Variants in ATP6V1G1 observed in about 807,000 individuals in gnomAD.
The protein encoded by ATP6V1G1 is V-type proton ATPase subunit G 1.
In ATP6V1G1, 14 loss-of-function variants were observed where a neutral mutation model predicts 14.2. The ratio of observed to expected loss-of-function variants is 0.99; its 90% CI spans 0.65 to 1.55. ATP6V1G1 has a LOEUF of 1.55. Ranked by LOEUF, ATP6V1G1 falls within the 40% of genes most tolerant of loss-of-function variation. The pLI, the probability that ATP6V1G1 is intolerant of heterozygous loss-of-function variation, is 0.00. For missense variants in ATP6V1G1, 137 were observed against 146.4 expected, an observed-to-expected ratio of 0.94 and a Z score of 0.33; for synonymous variants, 65 against 53.3, an observed-to-expected ratio of 1.22 and a Z score of -0.96.
At chr9:114,590,014 A>G (rs1349388904) in intron 1 of ATP6V1G1, among the ~76,000 whole-genome samples, 1 of 151,658 alleles carries the variant, frequency 6.6e-6, no homozygotes, top group Admixed American at 6.6e-5. Flanking sequence ...CCTGGGCAAT[A>G]TGGAGAAACT....
chr9:114,598,373 A>AT lies in ATP6V1G1; in HGVS notation c.*635dup. On this transcript the variant is annotated 3_prime_UTR_variant, in exon 3 of 3. Transcript: ENST00000374050. ...TTTAAAAGTAAAGACTCTGTCATGCATTTTTCCCCATTCTTTTTTTTTTCC... is the reference window on the plus strand; with the variant it reads ...TTTAAAAGTAAAGACTCTGTCATGCATTTTTTCCCCATTCTTTTTTTTTTCC... The AT allele has an allele frequency of 1.3e-5, 2 of 152,022 alleles. No individual in the cohort carries two copies. Among genetic ancestry groups the AT allele is most frequent in the Middle Eastern group, 6.8e-3 (2 of 292 alleles). The allele number at this position is 152,022 out of a possible 1,614,324, so 9.4% of individuals were successfully genotyped here.
chr9:114,597,855 A>G lies in ATP6V1G1; in HGVS notation c.*112A>G. On this transcript the variant is annotated 3_prime_UTR_variant, in exon 3 of 3. Transcript: ENST00000374050. ...ATATGGCATTAAATTATTTCCATAT[A>G]TTATATAATAGGTCCTTCCACTTTT... is the stretch of plus-strand genomic sequence containing the variant. 2.0e-6 allele frequency: 2 copies of G among 998,376 alleles called. No individual in the cohort carries two copies. Among genetic ancestry groups the G allele is most frequent in the South Asian group, 4.1e-5 (1 of 24,310 alleles). The allele number at this position is 998,376 out of a possible 1,614,324, so 61.8% of individuals were successfully genotyped here. A position where few individuals can be genotyped will look rare whatever the true frequency, so the allele number is the denominator to read the frequency against.
In ATP6V1G1 at chr9:114,592,488, C is replaced by G. The variant is rs1845192465; in HGVS notation, c.83-64C>G. On this transcript the variant is annotated intron_variant, in intron 1 of 2. Transcript: ENST00000374050. ...TTGGCTTATTGTTATAATATACCATCTTGTCTCTGCTTGCTTTTCTACTTT... is the reference window on the plus strand; with the variant it reads ...TTGGCTTATTGTTATAATATACCATGTTGTCTCTGCTTGCTTTTCTACTTT... The G allele has an allele frequency of 4.9e-6, 7 of 1,433,964 alleles. No homozygotes were observed. The South Asian group carries it at 7.6e-5, about 16-fold the overall frequency. 88.8% of individuals were successfully genotyped at this position (1,433,964 alleles called of 1,614,324 possible). A position where few individuals can be genotyped will look rare whatever the true frequency, so the allele number is the denominator to read the frequency against.
chr9:114,588,076 T>C (rs757579765), intron 1 of ATP6V1G1, 156 bp downstream of exon 1: 28 of 798,476 alleles, frequency 3.5e-5, no homozygotes, highest in Non-Finnish European at 5.0e-5. Flanking sequence ...GAGCTGAGGC[T>C]CTGGAAGGCT....
In ATP6V1G1 at chr9:114,589,694, G is replaced by A. The variant is rs117306337; in HGVS notation, c.82+1774G>A. Reference sequence around the variant, plus strand: ...TGTATTTCCAGAATGACTTCTCACAGTTTGTGTTCTGATGGCTCATCAGTA... The same window carrying A: ...TGTATTTCCAGAATGACTTCTCACAATTTGTGTTCTGATGGCTCATCAGTA... On this transcript the variant is annotated intron_variant, in intron 1 of 2. Transcript: ENST00000374050. 3.2e-4 allele frequency among the ~76,000 whole-genome samples: 49 copies of A among 152,308 alleles called. 1 individual carries two copies. The highest frequency in any genetic ancestry group is 1.2e-3 in the African/African-American group (48 of 41,566).
In ATP6V1G1 at chr9:114,597,729, C is replaced by A; in HGVS notation, c.343C>A (p.Arg115Ser). The A allele has an allele frequency of 6.3e-7, 1 of 1,584,492 alleles. No homozygotes were observed. The highest frequency in any genetic ancestry group is 8.6e-7 in the Non-Finnish European group (1 of 1,169,582). ...TCGGCCAGAAATCCATGAAAACTAC[C>A]GCATAAATGGATAGAAGAGAGAAGC... Reference protein sequence around the residue: ...DIRPEIHENYRING With the variant: ...DIRPEIHENYSING The change falls in exon 3 of 3, where the codon CGC (arginine) becomes AGC (serine). Residue 115 changes from arginine (R) to serine (S), a missense_variant. Physicochemically the swap from Arg to Ser is moderately radical, Grantham distance 110 (BLOSUM62 -1). Coordinates refer to ENST00000374050, the MANE Select transcript of ATP6V1G1 (RefSeq NM_004888.4).
chr9:114,587,835 CG>C lies in ATP6V1G1; in HGVS notation c.-3del. Reference sequence around the variant, plus strand: ...CTTGCCTTGCTCTCAGAATCGCTGCCGCCATGGCTAGTCAGTCTCAGGGGAT... The same window carrying C: ...CTTGCCTTGCTCTCAGAATCGCTGCCCCATGGCTAGTCAGTCTCAGGGGAT... On this transcript the variant is annotated 5_prime_UTR_variant, in exon 1 of 3. Transcript: ENST00000374050. The C allele has an allele frequency of 1.9e-6, 3 of 1,586,738 alleles. No individual in the cohort carries two copies. The highest frequency in any genetic ancestry group is 2.6e-6 in the Non-Finnish European group (3 of 1,166,612).
chr9:114,590,920 C>G (rs892209609), intron 1 of ATP6V1G1, among the ~76,000 whole-genome samples: 36 of 152,204 alleles, frequency 2.4e-4, no homozygotes, highest in Middle Eastern at 3.4e-3. Context: ...CTCAGCCGCC[C>G]GAGTAGCTGG....
chr9:114,596,144 C>A (rs1379761625), intron 2 of ATP6V1G1, among the ~76,000 whole-genome samples: 1 of 151,886 alleles, frequency 6.6e-6, no homozygotes, highest in African/African-American at 2.4e-5. Flanking sequence ...TAAAAAGGGG[C>A]AGGCTGAGGC....
chr9:114,592,435 T>G, intron 1 of ATP6V1G1, 117 bp from the exon 2 acceptor site: 1 of 1,010,784 alleles, frequency 9.9e-7, no homozygotes, highest in South Asian at 1.6e-5. Context: ...CCCATGCACA[T>G]CTCTTCGGAC....
intron 2 of ATP6V1G1, 135 bp downstream of exon 2, chr9:114,592,787 C>T: frequency 1.2e-6 from 1 of 826,032 alleles, no homozygotes; most frequent in Non-Finnish European, 1.9e-6. Flanking sequence ...TTATTGGCTG[C>T]TCAGGCATCT....
chr9:114,594,462 C>T (rs181813214), intron 2 of ATP6V1G1, among the ~76,000 whole-genome samples: 128 of 151,152 alleles, frequency 8.5e-4, no homozygotes, highest in Non-Finnish European at 1.5e-3. Context: ...CAGTTCACTA[C>T]GACCTCCACC....
chr9:114,593,099 AT>A (rs1421986118), intron 2 of ATP6V1G1, among the ~76,000 whole-genome samples: 2 of 152,222 alleles, frequency 1.3e-5, no homozygotes, highest in Admixed American at 1.3e-4. Flanking sequence ...TAGTACAGAC[AT>A]TTACCAGTGA....
chr9:114,594,662 C>T lies in ATP6V1G1; in HGVS notation c.183+2010C>T, dbSNP rs190377863. Reference sequence around the variant, plus strand: ...CCTCCCAAAATGCTGGGATTACAGGCGTGAGCCACCACGCCTGGCCCATCT... The same window carrying T: ...CCTCCCAAAATGCTGGGATTACAGGTGTGAGCCACCACGCCTGGCCCATCT... On this transcript the variant is annotated intron_variant, in intron 2 of 2. Coordinates refer to ENST00000374050, the MANE Select transcript of ATP6V1G1 (RefSeq NM_004888.4). Among the ~76,000 whole-genome samples the T allele has an allele frequency of 2.3e-3, 350 of 151,468 alleles. 2 individuals are homozygous for T. The highest frequency in any genetic ancestry group is 8.1e-3 in the African/African-American group (336 of 41,288).
Position 114,592,600 on chromosome 9 carries a change from T to A in ATP6V1G1, c.131T>A (p.Ile44Asn). The A allele has an allele frequency of 6.3e-7, 1 of 1,577,200 alleles. No homozygotes were observed. Among genetic ancestry groups the A allele is most frequent in the Non-Finnish European group, 8.6e-7 (1 of 1,160,714 alleles). The change falls in exon 2 of 3, where the codon ATT becomes AAT. Residue 44 changes from isoleucine (I) to asparagine (N), a missense_variant. Coordinates refer to ENST00000374050, the MANE Select transcript of ATP6V1G1 (RefSeq NM_004888.4). The stretch of plus-strand genomic sequence containing the variant: ...GCCAAAGAAGAAGCTCAGGCTGAAA[T>A]TGAACAGTACCGCCTGCAGAGGGAG... Reference protein sequence around the residue: ...KQAKEEAQAEIEQYRLQREKE... With the variant: ...KQAKEEAQAENEQYRLQREKE...
intron 1 of ATP6V1G1, among the ~76,000 whole-genome samples, chr9:114,591,138 A>G (rs1331051692): frequency 6.6e-6 from 1 of 152,224 alleles, no homozygotes; most frequent in African/African-American, 2.4e-5. Context: ...GGCATATTTC[A>G]TTGGAGTGAA....
chr9:114,592,827 A>G (rs1236099955), intron 2 of ATP6V1G1, 175 bp downstream of exon 2: 7 of 665,086 alleles, frequency 1.1e-5, no homozygotes, highest in African/African-American at 7.3e-5. Flanking sequence ...TTTTCCATTC[A>G]TATTGATTTC....
intron 1 of ATP6V1G1, among the ~76,000 whole-genome samples, chr9:114,591,601 A>C (rs1167051776): frequency 1.3e-5 from 2 of 152,172 alleles, no homozygotes; most frequent in Non-Finnish European, 2.9e-5. Flanking sequence ...AGCATCAGGG[A>C]ATGTTGATGT....
chr9:114,596,475 C>T (rs1323172610), intron 2 of ATP6V1G1, among the ~76,000 whole-genome samples: 2 of 151,798 alleles, frequency 1.3e-5, no homozygotes, highest in East Asian at 3.8e-4. Flanking sequence ...GAGCCAGTCA[C>T]TGTTAACAGG....
Sources: allele counts gnomAD v4.1 joint callset (sites outside exome capture counted in the v4.1 genomes callset), GRCh38; gene constraint gnomAD v4.1.1; transcripts MANE v1.5; gene names NCBI Gene and HGNC (gene_info 2026-07-23, HGNC 2026-07-21).